Variants in MTCL2 observed in about 807,000 individuals in gnomAD.
MTCL2 encodes the protein microtubule cross-linking factor 2.
the MTCL2 span, chr20:36,863,378 A>G: frequency 8.7e-7 from 1 of 1,154,726 alleles, no homozygotes; most frequent in Non-Finnish European, 1.1e-6. This position sits in a 1 kb window ranked among gnomAD's most constrained non-coding sequence, Gnocchi z 6.2. Flanking sequence ...AGCTGCGCGC[A>G]TGGCCCAGGC....
chr20:36,812,602 C>G, the MTCL2 span: 1 of 1,484,056 alleles, frequency 6.7e-7, no homozygotes. Flanking sequence ...GCCCCAAACC[C>G]ATATCCTCAC....
At chr20:36,813,627 A>C in the MTCL2 span, among the ~76,000 whole-genome samples, 1 of 151,570 alleles carries the variant, frequency 6.6e-6, no homozygotes, top group Non-Finnish European at 1.5e-5. Flanking sequence ...CCAGCTACCC[A>C]GGAGACGGAG....
At chr20:36,841,874 G>GGGGGGTGTGTGT in the MTCL2 span, among the ~76,000 whole-genome samples, 13 of 110,766 alleles carry the variant, frequency 1.2e-4, no homozygotes, top group East Asian at 3.7e-4. Context: ...TGGGGGGTGG[G>GGGGGGTGTGTGT]GTGTGTGTGT....
At chr20:36,815,593 C>G in the MTCL2 span, 1 of 1,587,558 alleles carries the variant, frequency 6.3e-7, no homozygotes, top group African/African-American at 1.3e-5. This position sits in a 1 kb window ranked among gnomAD's most constrained non-coding sequence, Gnocchi z 5.3. Context: ...GCGTCCGTCT[C>G]CAGCATGGGC....
chr20:36,823,011 G>C, the MTCL2 span, among the ~76,000 whole-genome samples: 2 of 152,312 alleles, frequency 1.3e-5, no homozygotes, highest in South Asian at 4.1e-4. Context: ...CACCCGCCTT[G>C]ACCTCCCAAA....
At chr20:36,793,239 A>C in the MTCL2 span, 2 of 1,548,094 alleles carry the variant, frequency 1.3e-6, no homozygotes, top group Non-Finnish European at 1.7e-6. This position sits in a 1 kb window ranked among gnomAD's most constrained non-coding sequence, Gnocchi z 6.8. Flanking sequence ...GACAGATCCC[A>C]CCCACCTACC....
the MTCL2 span, chr20:36,803,233 G>A: frequency 7.2e-7 from 1 of 1,386,844 alleles, no homozygotes; most frequent in Non-Finnish European, 9.5e-7. Context: ...CCCTCACTAG[G>A]GACTAACCCA....
the MTCL2 span, among the ~76,000 whole-genome samples, chr20:36,797,812 T>C: frequency 6.6e-6 from 1 of 152,340 alleles, no homozygotes; most frequent in Admixed American, 6.5e-5. Flanking sequence ...ATACCTAATA[T>C]AGTAACAGCC....
the MTCL2 span, chr20:36,804,711 G>A: frequency 6.2e-7 from 1 of 1,608,122 alleles, no homozygotes; most frequent in South Asian, 1.1e-5. Context: ...AAGGGGAGAG[G>A]CGTCTGACAG....
At chr20:36,830,391 C>T in the MTCL2 span, among the ~76,000 whole-genome samples, 1 of 152,078 alleles carries the variant, frequency 6.6e-6, no homozygotes, top group Non-Finnish European at 1.5e-5. Flanking sequence ...CATAGCAAGA[C>T]CCCACCTCTA....
the MTCL2 span, among the ~76,000 whole-genome samples, chr20:36,795,613 TA>T: frequency 6.6e-6 from 1 of 151,982 alleles, no homozygotes; most frequent in African/African-American, 2.4e-5. Flanking sequence ...TATCTCTTAG[TA>T]AAAATACAAA....
At chr20:36,794,447 T>C in the MTCL2 span, 1 of 1,614,004 alleles carries the variant, frequency 6.2e-7, no homozygotes, top group African/African-American at 1.3e-5. This position sits in a 1 kb window ranked among gnomAD's most constrained non-coding sequence, Gnocchi z 5.4. Context: ...AGGCTTCTCC[T>C]TGGTGTCTTT....
At chr20:36,863,529 C>A in the MTCL2 span, 2 of 293,644 alleles carry the variant, frequency 6.8e-6, no homozygotes, top group Non-Finnish European at 1.1e-5. This position sits in a 1 kb window ranked among gnomAD's most constrained non-coding sequence, Gnocchi z 6.2. Context: ...GCTCTGGGCT[C>A]GGAGAGTGCG....
chr20:36,827,696 A>G, the MTCL2 span, among the ~76,000 whole-genome samples: 4 of 152,248 alleles, frequency 2.6e-5, no homozygotes, highest in East Asian at 7.7e-4. Context: ...AGAGAGGGGA[A>G]GTGGCTTCAG....
the MTCL2 span, among the ~76,000 whole-genome samples, chr20:36,789,468 C>T: frequency 2.0e-5 from 3 of 152,040 alleles, no homozygotes; most frequent in Admixed American, 6.6e-5. Context: ...TCGAGACCAG[C>T]CTGGCCAACA....
chr20:36,815,743 C>G, the MTCL2 span: 1 of 1,591,700 alleles, frequency 6.3e-7, no homozygotes, highest in Non-Finnish European at 8.6e-7. This position sits in a 1 kb window ranked among gnomAD's most constrained non-coding sequence, Gnocchi z 5.3. Flanking sequence ...TGTGAAGGTT[C>G]GCTGAGCACA....
the MTCL2 span, chr20:36,862,670 G>A: frequency 6.7e-6 from 10 of 1,498,106 alleles, no homozygotes; most frequent in East Asian, 2.7e-5. Flanking sequence ...TGAGATAGTC[G>A]TTCTCCGAGC....
At chr20:36,857,520 T>C in the MTCL2 span, among the ~76,000 whole-genome samples, 6 of 152,064 alleles carry the variant, frequency 3.9e-5, no homozygotes, top group Non-Finnish European at 7.4e-5. Context: ...CTGTGAACAG[T>C]ATATGTGCAT....
the MTCL2 span, among the ~76,000 whole-genome samples, chr20:36,804,464 C>T: frequency 1.3e-5 from 2 of 152,180 alleles, no homozygotes; most frequent in Non-Finnish European, 2.9e-5. Context: ...ATGAGGACAG[C>T]AGGCAGTGGG....
Sources: allele counts gnomAD v4.1 joint callset (sites outside exome capture counted in the v4.1 genomes callset), GRCh38; gene constraint gnomAD v4.1.1; non-coding constraint Gnocchi (gnomAD v3.1); transcripts MANE v1.5; gene names NCBI Gene and HGNC (gene_info 2026-07-23, HGNC 2026-07-21).